Variants in SPATA22 observed in about 807,000 individuals in gnomAD.
SPATA22 encodes spermatogenesis-associated protein 22.
In SPATA22, 29 loss-of-function variants were observed where a neutral mutation model predicts 47.8. That is an observed-to-expected ratio of 0.61 (90% CI 0.45 to 0.83). The LOEUF is 0.83. SPATA22 is among the 40% of genes least tolerant of loss of function. The pLI is 0.00. For missense variants in SPATA22, 410 were observed against 421.7 expected (o/e 0.97, Z 0.24); for synonymous variants, 133 against 140.9 (o/e 0.94, Z 0.40).
chr17:3,511,174 T>A (rs932198933), intron 1 of SPATA22: 3 of 152,206 alleles, frequency 2.0e-5, no homozygotes, highest in African/African-American at 7.2e-5. Flanking sequence ...TGAGGGTGTG[T>A]GTGTGCATGG....
chr17:3,458,116 A>G (rs1476129940), intron 5 of SPATA22, among the ~76,000 whole-genome samples: 2 of 152,238 alleles, frequency 1.3e-5, no homozygotes, highest in African/African-American at 4.8e-5. Context: ...AGGAATTCAC[A>G]GAACTCAGTA....
chr17:3,513,348 C>A (rs994704492), intron 1 of SPATA22: 1 of 152,866 alleles, frequency 6.5e-6, no homozygotes, highest in Non-Finnish European at 1.5e-5. Flanking sequence ...TCCTTTTCCC[C>A]GAAGGGTTCC....
intron 1 of SPATA22, among the ~76,000 whole-genome samples, chr17:3,482,147 G>T (rs2073642424): frequency 2.6e-5 from 4 of 151,962 alleles, no homozygotes; most frequent in Non-Finnish European, 5.9e-5. Context: ...AAGTTTAAAT[G>T]GTATGGTCAA....
At chr17:3,466,462 A>G (rs549262899) in intron 3 of SPATA22, among the ~76,000 whole-genome samples, 11 of 152,260 alleles carry the variant, frequency 7.2e-5, no homozygotes, top group Non-Finnish European at 1.5e-4. Flanking sequence ...GGCCTTACTT[A>G]AAAGATGAGC....
At position 3,485,718 on chromosome 17, in the gene SPATA22, C is replaced by T. The variant is rs184497126; in HGVS notation, c.-73-16320G>A. 2.0e-5 allele frequency among the ~76,000 whole-genome samples: 3 copies of T among 152,144 alleles called. No homozygotes were observed. The highest frequency in any genetic ancestry group is 2.9e-5 in the Non-Finnish European group (2 of 68,018). On this transcript the variant is annotated intron_variant, in intron 1 of 8. Coordinates refer to the SPATA22 transcript ENST00000541913. The surrounding 1 kb of genome is among the most constrained non-coding windows in gnomAD (Gnocchi z 4.4). ...TGTCAAAGATCTGAGAAATTTTACC[C>T]GACTTACAAGCTAACCATTAGCCTA...
intron 1 of SPATA22, among the ~76,000 whole-genome samples, chr17:3,509,551 T>C (rs1432803113): frequency 6.6e-6 from 1 of 152,138 alleles, no homozygotes. Context: ...ACATTTTCTT[T>C]ATCCAGTCTA....
chr17:3,471,180 GGGAGGGAAGGGAAGGAA>G, intron 1 of SPATA22, among the ~76,000 whole-genome samples: 1 of 152,034 alleles, frequency 6.6e-6, no homozygotes, highest in Non-Finnish European at 1.5e-5. Flanking sequence ...GAGGAAGGGA[GGGAGGGAAGGGAAGGAA>G]GGAAGGAAGG....
chr17:3,444,550 A>T (rs1362063422), intron 7 of SPATA22, among the ~76,000 whole-genome samples: 2 of 152,034 alleles, frequency 1.3e-5, no homozygotes. Flanking sequence ...TTCTGGAGAG[A>T]CTATAGTGTG....
intron 1 of SPATA22, among the ~76,000 whole-genome samples, chr17:3,480,519 G>A (rs2073609611): frequency 6.6e-6 from 1 of 152,216 alleles, no homozygotes; most frequent in Admixed American, 6.5e-5. Context: ...TCTGGGTGGT[G>A]CCAGCTGATC....
intron 1 of SPATA22, among the ~76,000 whole-genome samples, chr17:3,498,514 ATTTTTCGTAT>A (rs1429910395): frequency 1.3e-5 from 2 of 151,820 alleles, no homozygotes; most frequent in Non-Finnish European, 2.9e-5. Flanking sequence ...CACCCAGCTA[ATTTTTCGTAT>A]TTTTTCTAGA....
At chr17:3,455,087 A>G (rs948269795) in intron 5 of SPATA22, among the ~76,000 whole-genome samples, 6 of 152,072 alleles carry the variant, frequency 3.9e-5, no homozygotes, top group African/African-American at 1.2e-4. Flanking sequence ...TTTTGGCTGC[A>G]TAAATGTCTT....
intron 1 of SPATA22, among the ~76,000 whole-genome samples, chr17:3,498,355 T>A (rs2073942943): frequency 1.3e-5 from 2 of 151,172 alleles, no homozygotes; most frequent in South Asian, 4.2e-4. Flanking sequence ...CTCTTTTTTA[T>A]TTTTTTTTAG....
chr17:3,501,394 T>C (rs2073987834), intron 1 of SPATA22: 1 of 152,262 alleles, frequency 6.6e-6, no homozygotes, highest in African/African-American at 2.4e-5. Flanking sequence ...AATTCGAGAC[T>C]TGAGTAAAGG....
In SPATA22 at chr17:3,461,402, G is replaced by A. The variant is rs1264136873; in HGVS notation, c.329+1081C>T. 2.0e-5 allele frequency among the ~76,000 whole-genome samples: 3 copies of A among 152,140 alleles called. 1 individual carries two copies. In the South Asian group the frequency reaches 6.2e-4, roughly 32 times the overall value. On this transcript the variant is annotated intron_variant, in intron 5 of 8. Coordinates refer to ENST00000572969, the MANE Select transcript of SPATA22 (RefSeq NM_001170698.2). ...GTATTCCAACAGTCTGACAGCTCATGTATTAATTCAAATTGTAATATCCAA... is the reference window on the plus strand; with the variant it reads ...GTATTCCAACAGTCTGACAGCTCATATATTAATTCAAATTGTAATATCCAA...
chr17:3,450,066 C>T (rs1021571748), intron 5 of SPATA22, among the ~76,000 whole-genome samples: 3 of 152,128 alleles, frequency 2.0e-5, no homozygotes, highest in African/African-American at 7.2e-5. Context: ...GTTGCCCAAG[C>T]TGGCCACAAA....
At position 3,449,037 on chromosome 17, in the gene SPATA22, C is replaced by A; in HGVS notation, c.442G>T (p.Val148Leu). The change falls in exon 6 of 9, where the codon GTG becomes TTG. Residue 148 changes from valine (V) to leucine (L), a missense_variant. Transcript: ENST00000572969. ...VANDGKNSCP[V>L]SSGAQQQKQL... ...TTTTGTTGTTGAGCTCCCGAACTCA[C>A]TGGACAAGAATTTTTTCCATCATTT... 1 of 1,613,700 alleles carries A rather than the reference C, an allele frequency of 6.2e-7. No homozygotes were observed. The highest frequency in any genetic ancestry group is 8.5e-7 in the Non-Finnish European group (1 of 1,179,922).
intron 1 of SPATA22, among the ~76,000 whole-genome samples, chr17:3,497,068 G>T (rs2073921612): frequency 6.6e-6 from 1 of 152,000 alleles, no homozygotes; most frequent in South Asian, 2.1e-4. Flanking sequence ...CGTCTAAAAA[G>T]AAAAAGAAAA....
exon 1 of SPATA22, chr17:3,513,753 C>A: frequency 1.8e-6 from 1 of 544,260 alleles, no homozygotes; most frequent in Non-Finnish European, 3.3e-6. Flanking sequence ...TTGACAACTG[C>A]CCCTCAGTTC....
In SPATA22 at chr17:3,456,708, A is replaced by T. The variant is rs140009951; in HGVS notation, c.329+5775T>A. Among the ~76,000 whole-genome samples, 918 of 152,138 alleles carry T rather than the reference A, an allele frequency of 6.0e-3. 29 individuals are homozygous for T. Among genetic ancestry groups the T allele is most frequent in the Admixed American group, 0.043 (660 of 15,280 alleles). ...CCCTAACTCATTTTATGAGGCCAGC[A>T]TCATCCCGATACCAAAGCCGGGCAG... On this transcript the variant is annotated intron_variant, in intron 5 of 8. Coordinates refer to ENST00000572969, the MANE Select transcript of SPATA22 (RefSeq NM_001170698.2).
Sources: gnomAD v4.1 joint callset for allele counts (sites outside exome capture counted in the v4.1 genomes callset) on GRCh38, gnomAD v4.1.1 for gene constraint, Gnocchi (gnomAD v3.1) non-coding constraint, MANE v1.5 for transcripts, NCBI Gene and HGNC (gene_info 2026-07-23, HGNC 2026-07-21) for gene names.